The following EDIL3 variants were observed in gnomAD, a reference collection of about 807,000 sequenced individuals.
EDIL3 encodes the protein EGF-like repeat and discoidin I-like domain-containing protein 3.
EDIL3 carries 37 observed loss-of-function variants against 67.4 expected under a neutral mutation model. The ratio of observed to expected loss-of-function variants is 0.55; its 90% confidence interval spans 0.42 to 0.72. The LOEUF (loss-of-function observed/expected upper bound fraction) is 0.72. EDIL3 is among the 30% of genes least tolerant of loss of function. The pLI is 0.00. For missense variants in EDIL3, 527 were observed against 586.3 expected (o/e 0.90, Z 1.04); for synonymous variants, 195 against 196.3 (o/e 0.99, Z 0.05).
rs1170972212 is a variant in EDIL3, at chr5:84,340,503, A to ACTCTCTCTCTCTCTCTCTCTCT, written c.67+43783_67+43804dup. Reference sequence around the variant, plus strand: ...CATGGAATTTCACAAAGGGAAGATTACTCTCTCTCTCTCTCTCTCTCTCTC... The same window carrying ACTCTCTCTCTCTCTCTCTCTCT: ...CATGGAATTTCACAAAGGGAAGATTACTCTCTCTCTCTCTCTCTCTCTCTCTCTCTCTCTCTCTCTCTCTCTC... On this transcript the variant is annotated intron_variant, in intron 1 of 10. Transcript: ENST00000296591. 7.8e-5 allele frequency among the ~76,000 whole-genome samples: 3 copies of ACTCTCTCTCTCTCTCTCTCTCT among 38,700 alleles called. 1 individual carries two copies. The highest frequency in any genetic ancestry group is 2.5e-4 in the African/African-American group (2 of 7,990). 25.4% of individuals were successfully genotyped at this position (38,700 alleles called of 152,430 possible).
chr5:84,159,131 C>A (rs911005273), intron 4 of EDIL3, among the ~76,000 whole-genome samples: 3 of 152,006 alleles, frequency 2.0e-5, no homozygotes, highest in African/African-American at 7.2e-5. Flanking sequence ...TTCCAGAGAT[C>A]CACTTTTTGC....
chr5:84,171,177 T>G (rs1252451612), intron 4 of EDIL3, among the ~76,000 whole-genome samples: 1 of 152,142 alleles, frequency 6.6e-6, no homozygotes, highest in Non-Finnish European at 1.5e-5. Context: ...GCATCTAACA[T>G]TTTTGTTCAG....
chr5:84,243,453 ATG>A lies in EDIL3; in HGVS notation c.196+10629_196+10630del, dbSNP rs934758340. Among the ~76,000 whole-genome samples, 119 of 152,346 alleles carry A rather than the reference ATG, an allele frequency of 7.8e-4. 1 individual carries two copies. Among genetic ancestry groups the A allele is most frequent in the African/African-American group, 2.8e-3 (116 of 41,584 alleles). On this transcript the variant is annotated intron_variant, in intron 2 of 10. Coordinates refer to ENST00000296591, the MANE Select transcript of EDIL3 (RefSeq NM_005711.5). ...AGATAGCTAAGTTGACACAAACAGCATGTGTCTTGTTCTTGAAAATGTTTGTA... is the reference window on the plus strand; with the variant it reads ...AGATAGCTAAGTTGACACAAACAGCATGTCTTGTTCTTGAAAATGTTTGTA...
intron 2 of EDIL3, among the ~76,000 whole-genome samples, chr5:84,246,801 T>G (rs1744918030): frequency 6.6e-6 from 1 of 152,154 alleles, no homozygotes; most frequent in Non-Finnish European, 1.5e-5. Context: ...ACTAACAAAT[T>G]CTAATCATTG....
intron 1 of EDIL3, among the ~76,000 whole-genome samples, chr5:84,312,876 T>C (rs1470005236): frequency 6.6e-6 from 1 of 152,186 alleles, no homozygotes; most frequent in Non-Finnish European, 1.5e-5. Context: ...ATAAACACAA[T>C]TTTAGCATAT....
chr5:84,327,365 A>AT (rs1746785080), intron 1 of EDIL3, among the ~76,000 whole-genome samples: 1 of 151,642 alleles, frequency 6.6e-6, no homozygotes, highest in South Asian at 2.1e-4. Flanking sequence ...CCAGAAATTC[A>AT]TTTTTCTTCT....
At chr5:84,182,555 G>A (rs1306737836) in intron 3 of EDIL3, among the ~76,000 whole-genome samples, 1 of 152,008 alleles carries the variant, frequency 6.6e-6, no homozygotes, top group East Asian at 1.9e-4. Flanking sequence ...CCTCAACCAT[G>A]GGTGGGAAGC....
At chr5:84,029,649 C>A (rs1434670585) in intron 9 of EDIL3, among the ~76,000 whole-genome samples, 1 of 152,104 alleles carries the variant, frequency 6.6e-6, no homozygotes, top group African/African-American at 2.4e-5. Context: ...AGAAATTTAA[C>A]CCTCAAAAGG....
At chr5:84,364,409 T>C (rs1747685987) in intron 1 of EDIL3, among the ~76,000 whole-genome samples, 1 of 152,186 alleles carries the variant, frequency 6.6e-6, no homozygotes, top group Non-Finnish European at 1.5e-5. Flanking sequence ...CACAGATACA[T>C]GCTACAGATG....
At chr5:84,238,665 GTT>G (rs3046880) in intron 2 of EDIL3, among the ~76,000 whole-genome samples, 1,278 of 101,122 alleles carry the variant, frequency 0.013, 29 homozygotes, top group African/African-American at 0.042. Flanking sequence ...AAAATTAAAT[GTT>G]TTTTTTTTTT....
At chr5:84,102,176 A>G (rs999661734) in intron 6 of EDIL3, among the ~76,000 whole-genome samples, 10 of 152,106 alleles carry the variant, frequency 6.6e-5, no homozygotes, top group African/African-American at 2.2e-4. Flanking sequence ...CCTCAAAATT[A>G]TGAATCACCT....
At position 84,172,484 on chromosome 5, in the gene EDIL3, G is replaced by A. The variant is rs534363825; in HGVS notation, c.355+7909C>T. ...GGTCCCAGCTACTTGGGAGGCTGAGGTGGGAAGATCATTTGAGCCCAGGAG... is the reference window on the plus strand; with the variant it reads ...GGTCCCAGCTACTTGGGAGGCTGAGATGGGAAGATCATTTGAGCCCAGGAG... On this transcript the variant is annotated intron_variant, in intron 4 of 10. Coordinates refer to ENST00000296591, the MANE Select transcript of EDIL3 (RefSeq NM_005711.5). 6.6e-5 allele frequency among the ~76,000 whole-genome samples: 10 copies of A among 152,206 alleles called. No homozygotes were observed. In the East Asian group the frequency reaches 1.9e-3, roughly 29 times the overall value.
intron 1 of EDIL3, among the ~76,000 whole-genome samples, chr5:84,283,560 C>A (rs1745745450): frequency 6.6e-6 from 1 of 152,126 alleles, no homozygotes; most frequent in South Asian, 2.1e-4. Flanking sequence ...GAGTTTGCAA[C>A]AATCATCTCA....
chr5:84,186,965 T>G (rs1274087943), intron 3 of EDIL3, among the ~76,000 whole-genome samples: 1 of 152,076 alleles, frequency 6.6e-6, no homozygotes, highest in African/African-American at 2.4e-5. Flanking sequence ...TAGGAGCTTG[T>G]GTTCTGATTA....
At chr5:84,112,155 T>C (rs1196712758) in intron 5 of EDIL3, among the ~76,000 whole-genome samples, 1 of 152,104 alleles carries the variant, frequency 6.6e-6, no homozygotes, top group Non-Finnish European at 1.5e-5. Flanking sequence ...CTGTTAGTGA[T>C]GGGGAGTTTT....
intron 9 of EDIL3, among the ~76,000 whole-genome samples, chr5:83,995,181 C>CACA (rs1203637370): frequency 2.0e-5 from 3 of 151,676 alleles, no homozygotes; most frequent in Non-Finnish European, 2.9e-5. Flanking sequence ...CACACACACA[C>CACA]ATTTTATTCT....
chr5:83,979,168 G>A (rs540894134), intron 9 of EDIL3, among the ~76,000 whole-genome samples: 4 of 152,172 alleles, frequency 2.6e-5, no homozygotes, highest in South Asian at 2.1e-4. Flanking sequence ...ATGAAAAGAT[G>A]AGAAGTTTCA....
intron 1 of EDIL3, among the ~76,000 whole-genome samples, chr5:84,303,639 AT>A (rs1746204516): frequency 6.6e-6 from 1 of 152,184 alleles, no homozygotes; most frequent in Admixed American, 6.5e-5. Context: ...TATATTTTAC[AT>A]TTGTGTTGAA....
At chr5:83,977,574 A>C (rs950420775) in intron 9 of EDIL3, among the ~76,000 whole-genome samples, 1 of 151,966 alleles carries the variant, frequency 6.6e-6, no homozygotes, top group South Asian at 2.1e-4. Context: ...TTATAAGTCT[A>C]TTCAAGATTC....
Sources: gnomAD v4.1 joint callset for allele counts (sites outside exome capture counted in the v4.1 genomes callset) on GRCh38, gnomAD v4.1.1 for gene constraint, MANE v1.5 for transcripts, NCBI Gene and HGNC (gene_info 2026-07-23, HGNC 2026-07-21) for gene names.